Variants in UTRN observed in about 807,000 individuals in gnomAD.
UTRN encodes dystrophin-related protein 1.
UTRN carries 283 observed loss-of-function variants against 463.9 expected under a neutral mutation model. That is an observed-to-expected ratio of 0.61 (90% CI 0.55 to 0.67). The LOEUF (loss-of-function observed/expected upper bound fraction) is 0.67, where lower values mean the gene tolerates loss of function less well. Among genes scored for constraint, UTRN ranks in the 30% least tolerant of loss-of-function variants. UTRN has a pLI of 0.00. For missense variants in UTRN, 3,922 were observed against 4,084.3 expected, an observed-to-expected ratio of 0.96 and a Z score of 1.08; for synonymous variants, 1,442 against 1,431.5, an observed-to-expected ratio of 1.01 and a Z score of -0.17.
intron 51 of UTRN, among the ~76,000 whole-genome samples, chr6:144,609,316 T>A (rs1291816840): frequency 1.3e-5 from 2 of 152,118 alleles, no homozygotes; most frequent in Non-Finnish European, 1.5e-5. Context: ...ACAAAATAGA[T>A]TTAAAGTCAA....
chr6:144,761,686 G>A lies in UTRN; in HGVS notation c.8495+3697G>A, dbSNP rs4143941. 3.3e-3 allele frequency among the ~76,000 whole-genome samples: 505 copies of A among 151,806 alleles called. 18 individuals carry two copies. In the East Asian group the frequency reaches 0.078, roughly 24 times the overall value. ...TAATAATAATAAATAAAGAGAGAGAGAAAAAGAAAATTTAAAATGGTTCTT... is the reference window on the plus strand; with the variant it reads ...TAATAATAATAAATAAAGAGAGAGAAAAAAAGAAAATTTAAAATGGTTCTT... On this transcript the variant is annotated intron_variant, in intron 58 of 74. Transcript: ENST00000367545.
Position 144,450,167 on chromosome 6 carries a change from A to G in UTRN, c.2073-1203A>G, listed in dbSNP as rs73780570. 9.3e-3 allele frequency among the ~76,000 whole-genome samples: 1,410 copies of G among 152,218 alleles called. 25 individuals carry two copies. Among genetic ancestry groups the G allele is most frequent in the African/African-American group, 0.033 (1,357 of 41,520 alleles). ...CCTGTTCTCGACTCGTCTCTCTTTAATGCCTTCTCCTCAGTGAACACTAAA... is the reference window on the plus strand; with the variant it reads ...CCTGTTCTCGACTCGTCTCTCTTTAGTGCCTTCTCCTCAGTGAACACTAAA... On this transcript the variant is annotated intron_variant, in intron 17 of 74. Transcript: ENST00000367545.
At chr6:144,603,907 T>C (rs1168994461) in intron 51 of UTRN, among the ~76,000 whole-genome samples, 4 of 152,206 alleles carry the variant, frequency 2.6e-5, no homozygotes, top group African/African-American at 7.2e-5. Flanking sequence ...CAGTGGTATA[T>C]CAATACTCAG....
chr6:144,752,678 G>A (rs9497070), intron 56 of UTRN, among the ~76,000 whole-genome samples: 339 of 152,160 alleles, frequency 2.2e-3, no homozygotes, highest in African/African-American at 7.9e-3. Context: ...AGCAAAATCT[G>A]TTAAATTTAT....
chr6:144,461,172 A>T, intron 21 of UTRN, 25 bp from the exon 22 acceptor site: 1 of 1,541,866 alleles, frequency 6.5e-7, no homozygotes, highest in South Asian at 1.3e-5. Flanking sequence ...TGATTTTTTC[A>T]AACTAAATAT....
intron 51 of UTRN, among the ~76,000 whole-genome samples, chr6:144,592,526 A>G (rs1236574767): frequency 6.6e-6 from 1 of 151,968 alleles, no homozygotes; most frequent in Non-Finnish European, 1.5e-5. Flanking sequence ...GTGCACCACC[A>G]CTTCCAGCTA....
At chr6:144,622,907 A>G (rs1230934621) in intron 51 of UTRN, among the ~76,000 whole-genome samples, 2 of 152,232 alleles carry the variant, frequency 1.3e-5, no homozygotes, top group African/African-American at 4.8e-5. Flanking sequence ...TTAAAATGAG[A>G]CATAACTAAT....
intron 9 of UTRN, 97 bp downstream of exon 9, chr6:144,429,838 A>T (rs1785639691): frequency 7.5e-7 from 1 of 1,326,370 alleles, no homozygotes; most frequent in Admixed American, 2.6e-5. Context: ...TTCTTGACTG[A>T]GAACATCTTG....
At position 144,770,444 on chromosome 6, in the gene UTRN, A is replaced by C. The variant is rs144184654; in HGVS notation, c.8496-1463A>C. Among the ~76,000 whole-genome samples the C allele has an allele frequency of 2.2e-3, 332 of 152,244 alleles. 2 individuals are homozygous for C. The highest frequency in any genetic ancestry group is 7.6e-3 in the African/African-American group (316 of 41,542). On this transcript the variant is annotated intron_variant, in intron 58 of 74. Coordinates refer to ENST00000367545, the MANE Select transcript of UTRN (RefSeq NM_007124.3). ...ATGAATGTTGTAATATCACTCTCTT[A>C]GGTACTATGCTGGTTCATTTAGTTT...
intron 51 of UTRN, among the ~76,000 whole-genome samples, chr6:144,612,951 A>G (rs1805682453): frequency 6.6e-6 from 1 of 152,104 alleles, no homozygotes; most frequent in African/African-American, 2.4e-5. Flanking sequence ...GGAAACAACA[A>G]CAAAACATCC....
chr6:144,526,129 A>G (rs190893091), intron 41 of UTRN, among the ~76,000 whole-genome samples: 264 of 152,294 alleles, frequency 1.7e-3, no homozygotes, highest in Middle Eastern at 6.8e-3. Context: ...AGAATATTCC[A>G]TGTGTTCATG....
At chr6:144,654,599 T>G (rs1422403139) in intron 51 of UTRN, among the ~76,000 whole-genome samples, 1 of 152,252 alleles carries the variant, frequency 6.6e-6, no homozygotes, top group Non-Finnish European at 1.5e-5. Flanking sequence ...ATAAAACCTT[T>G]TGAAAACCTT....
chr6:144,329,314 C>A (rs1189426104), intron 2 of UTRN, among the ~76,000 whole-genome samples: 1 of 152,110 alleles, frequency 6.6e-6, no homozygotes, highest in East Asian at 1.9e-4. Flanking sequence ...ATCTCTTGAC[C>A]TTGTGATCCG....
intron 2 of UTRN, among the ~76,000 whole-genome samples, chr6:144,320,054 G>A (rs139767220): frequency 6.6e-6 from 1 of 151,064 alleles, no homozygotes; most frequent in East Asian, 2.0e-4. Flanking sequence ...GGCTTTCACC[G>A]TGTTGGCCAG....
intron 41 of UTRN, 73 bp from the exon 42 acceptor site, chr6:144,530,979 T>C: frequency 6.8e-7 from 1 of 1,480,994 alleles, no homozygotes; most frequent in Non-Finnish European, 9.1e-7. Flanking sequence ...TTTGATTTTC[T>C]TTTTTAGAAA....
chr6:144,494,068 C>G (rs76274125), intron 33 of UTRN, among the ~76,000 whole-genome samples: 1 of 152,056 alleles, frequency 6.6e-6, no homozygotes, highest in Non-Finnish European at 1.5e-5. Flanking sequence ...TACTGATATT[C>G]CATAAATTAT....
intron 74 of UTRN, among the ~76,000 whole-genome samples, chr6:144,847,381 T>C (rs1782111406): frequency 6.6e-6 from 1 of 152,140 alleles, no homozygotes; most frequent in Non-Finnish European, 1.5e-5. Context: ...TTAGGATTTG[T>C]AGCCTGTTTT....
chr6:144,291,669 A>C lies in UTRN; in HGVS notation c.-92-68A>C, dbSNP rs1804262620. 6 of 490,446 alleles carry C rather than the reference A, an allele frequency of 1.2e-5. No homozygotes were observed. The South Asian group carries it at 2.6e-4, about 21-fold the overall frequency. The allele number at this position is 490,446 out of a possible 1,614,324, so 30.4% of individuals were successfully genotyped here. On this transcript the variant is annotated intron_variant, in intron 1 of 74. Transcript: ENST00000367545. Reference sequence around the variant, plus strand: ...ATAAATATTTGGTGAATGAATAGTTACTACGAATAACTATATAAAATATAT... The same window carrying C: ...ATAAATATTTGGTGAATGAATAGTTCCTACGAATAACTATATAAAATATAT...
At chr6:144,480,865 A>G (rs567152455) in intron 26 of UTRN, among the ~76,000 whole-genome samples, 1 of 152,332 alleles carries the variant, frequency 6.6e-6, no homozygotes, top group East Asian at 1.9e-4. Context: ...TATGACATTC[A>G]TACATTATTA....
Sources: gnomAD v4.1 joint callset for allele counts (sites outside exome capture counted in the v4.1 genomes callset) on GRCh38, gnomAD v4.1.1 for gene constraint, MANE v1.5 for transcripts, NCBI Gene and HGNC (gene_info 2026-07-23, HGNC 2026-07-21) for gene names.